PLEC: variants seen among roughly 807,000 people sequenced by gnomAD.
The protein encoded by PLEC is hemidesmosomal protein 1.
In PLEC, 216 loss-of-function variants were observed where a neutral mutation model predicts 392.8. The ratio of observed to expected loss-of-function variants is 0.55; its 90% confidence interval spans 0.49 to 0.62. The LOEUF (loss-of-function observed/expected upper bound fraction) is 0.62, where lower values mean the gene tolerates loss of function less well. PLEC is among the 20% of genes least tolerant of loss of function. PLEC has a pLI of 0.00. For synonymous variants in PLEC, 3,621 were observed against 2,980.6 expected, an observed-to-expected ratio of 1.21 and a Z score of -7.00; for missense variants, 6,863 against 6,563.4, an observed-to-expected ratio of 1.05 and a Z score of -1.58.
upstream of PLEC, among the ~76,000 whole-genome samples, chr8:143,943,510 G>A (rs1280829660): frequency 3.3e-5 from 5 of 152,198 alleles, no homozygotes; most frequent in Admixed American, 6.5e-5. Context: ...GCCTCCCTTC[G>A]TGTGGGGGAC....
Position 143,934,016 on chromosome 8 carries a change from G to C in PLEC, c.1245C>G (p.Ala415=), listed in dbSNP as rs782527499. 8.7e-5 allele frequency: 140 copies of C among 1,610,596 alleles called. No individual in the cohort carries two copies. Among genetic ancestry groups the C allele is most frequent in the Non-Finnish European group, 1.0e-4 (123 of 1,179,106 alleles). ...CCCTCACCGACTGCAGCAGGGCGTC[G>C]GCCTGGTTCAGCTGCTCCTCACACA... The part of the protein sequence containing the change: ...AGLCEEQLNQ[A]DALLQSDVRL... The change falls in exon 12 of 32, where the codon GCC becomes GCG. Residue 415 remains alanine, a synonymous_variant. Transcript: ENST00000345136.
In PLEC at chr8:143,917,643, G is replaced by A. The variant is rs782164454; in HGVS notation, c.12178C>T (p.Arg4060Trp). ...GGIIDPEESH[R>W]LPVEVAYKRG... ...TTGTAGGCCACCTCCACGGGCAGCC[G>A]GTGGCTCTCCTCAGGGTCGATGATG... Residue 4060 changes from arginine to tryptophan, a missense_variant, in exon 32 of 32, where the codon CGG becomes TGG. Coordinates refer to ENST00000345136, the MANE Select transcript of PLEC (RefSeq NM_201384.3). The A allele has an allele frequency of 9.3e-6, 15 of 1,613,680 alleles. No individual in the cohort carries two copies. Among genetic ancestry groups the A allele is most frequent in the Admixed American group, 1.7e-5 (1 of 60,026 alleles).
chr8:143,956,831 T>G (rs1832621373), upstream of PLEC, among the ~76,000 whole-genome samples: 1 of 152,162 alleles, frequency 6.6e-6, no homozygotes, highest in African/African-American at 2.4e-5. Flanking sequence ...GGTGGCCACA[T>G]GGTGCAGCCT....
chr8:143,966,097 C>T (rs2132911396), intron 1 of PLEC, among the ~76,000 whole-genome samples: 1 of 152,292 alleles, frequency 6.6e-6, no homozygotes, highest in South Asian at 2.1e-4. Flanking sequence ...CCAAGCAGTC[C>T]CGCTGAGGTC....
At chr8:143,975,193 C>T (rs1587437234), upstream of PLEC, 1 of 1,600,558 alleles carries the variant, frequency 6.2e-7, no homozygotes. The surrounding 1 kb of genome is among the most constrained non-coding windows in gnomAD (Gnocchi z 9.9). Flanking sequence ...TGCGAATGAC[C>T]GCCCGCTCAG....
chr8:143,975,325 G>C, upstream of PLEC: 1 of 1,611,606 alleles, frequency 6.2e-7, no homozygotes, highest in Non-Finnish European at 8.5e-7. This position sits in a 1 kb window ranked among gnomAD's most constrained non-coding sequence, Gnocchi z 9.9. Context: ...TTCCATTGGA[G>C]ACATCTTCAG....
rs782788386 is a variant in PLEC, at chr8:143,932,144, G to C, written c.2068C>G (p.Arg690Gly). 2.5e-6 allele frequency: 4 copies of C among 1,610,824 alleles called. No homozygotes were observed. The highest frequency in any genetic ancestry group is 3.4e-6 in the Non-Finnish European group (4 of 1,179,486). The change falls in exon 17 of 32, where the codon CGG becomes GGG. Residue 690 changes from arginine (R) to glycine (G), a missense_variant. Physicochemically the swap from Arg to Gly is moderately radical, Grantham distance 125 (BLOSUM62 -2). Transcript: ENST00000345136. ...GGGAGCCCCACCTCCACCGTGGGCCGGGCCGGGTGGTCCTCCCGCAGCAGC... is the reference window on the plus strand; with the variant it reads ...GGGAGCCCCACCTCCACCGTGGGCCCGGCCGGGTGGTCCTCCCGCAGCAGC... ...DRLLREDHPA[R>G]PTVESFQAAL...
Position 143,922,860 on chromosome 8 carries a change from G to T in PLEC, c.7069C>A (p.Leu2357Met). 3 of 1,579,384 alleles carry T rather than the reference G, an allele frequency of 1.9e-6. No homozygotes were observed. Among genetic ancestry groups the T allele is most frequent in the Non-Finnish European group, 1.7e-6 (2 of 1,164,226 alleles). The stretch of plus-strand genomic sequence containing the variant: ...TGGAAGCCCTGCGTCTCCTCCGCCA[G>T]CTGCTGCGCCATCTGCTCCTTGTCC... ...QEDKEQMAQQLAEETQGFQRT... is the reference protein window; with the variant it reads ...QEDKEQMAQQMAEETQGFQRT... The change falls in exon 31 of 32, where the codon CTG (leucine) becomes ATG (methionine). Residue 2357 changes from leucine (L) to methionine (M), a missense_variant. By Grantham distance (15) the Leu-to-Met change is conservative. Coordinates refer to ENST00000345136, the MANE Select transcript of PLEC (RefSeq NM_201384.3).
rs537345370 is a variant in PLEC, at chr8:143,929,726, G to C, written c.2843C>G (p.Pro948Arg). The C allele has an allele frequency of 1.8e-5, 29 of 1,599,860 alleles. No homozygotes were observed. The highest frequency in any genetic ancestry group is 1.7e-4 in the Admixed American group (10 of 59,814). The change falls in exon 23 of 32, where the codon CCC (proline) becomes CGC (arginine). Residue 948 changes from proline (P) to arginine (R), a missense_variant. By Grantham distance (103) the Pro-to-Arg change is moderately radical. Transcript: ENST00000345136. ...GCGCTCAGCCATCAGCCGGTCCTCG[G>C]GTCCGAAGCCGCCCGCGTCCTGGCT... Reference protein sequence around the residue: ...RDSQDAGGFGPEDRLMAEREY... With the variant: ...RDSQDAGGFGREDRLMAEREY...
upstream of PLEC, chr8:143,973,618 CG>C: frequency 2.6e-6 from 2 of 774,354 alleles, no homozygotes; most frequent in Non-Finnish European, 3.1e-6. The surrounding 1 kb of genome is among the most constrained non-coding windows in gnomAD (Gnocchi z 5.6). Context: ...ACGGGCGGGG[CG>C]GGGCCGGGGC....
chr8:143,946,817 G>A (rs1187022665), intron 1 of PLEC, among the ~76,000 whole-genome samples: 1 of 144,224 alleles, frequency 6.9e-6, no homozygotes, highest in East Asian at 2.2e-4. Context: ...GAGCCAGGCG[G>A]GAGCAGAGCC....
At position 143,938,259 on chromosome 8, in the gene PLEC, C is replaced by A; in HGVS notation, c.175-19G>T. The A allele has an allele frequency of 6.3e-7, 1 of 1,577,334 alleles. No homozygotes were observed. The highest frequency in any genetic ancestry group is 2.3e-5 in the East Asian group (1 of 42,856). The stretch of plus-strand genomic sequence containing the variant: ...TCTGGGCCTGTGGGGACAGCAGCGG[C>A]TGAGGTGGCCAGTCCCCCAGAGCCA... On this transcript the variant is annotated intron_variant, in intron 2 of 31. Transcript: ENST00000345136.
rs781796808 is a variant in PLEC, at chr8:143,916,556, G to A, written c.13265C>T (p.Ala4422Val). ...GGCGCCCACGTCACGCAGCTTCTGT[G>A]CGGTGCGGGCGTCCACCGTGCCGCG... Reference protein sequence around the residue: ...LQRGTVDARTAQKLRDVGAYS... With the variant: ...LQRGTVDARTVQKLRDVGAYS... Residue 4422 changes from alanine to valine, a missense_variant, in exon 32 of 32, where the codon GCA (alanine) becomes GTA (valine). Physicochemically the swap from Ala to Val is moderately conservative, Grantham distance 64. Transcript: ENST00000345136. The A allele has an allele frequency of 3.1e-6, 5 of 1,611,648 alleles. No homozygotes were observed. Among genetic ancestry groups the A allele is most frequent in the Non-Finnish European group, 4.2e-6 (5 of 1,179,490 alleles).
At chr8:143,934,561 G>C in intron 10 of PLEC, 74 bp downstream of exon 10, 1 of 1,600,376 alleles carries the variant, frequency 6.2e-7, no homozygotes, top group Non-Finnish European at 8.6e-7. Flanking sequence ...GGCAGGGCCA[G>C]GTCGGCTCCG....
Position 143,922,299 on chromosome 8 carries a change from A to G in PLEC, c.7522T>C (p.Phe2508Leu). The change falls in exon 32 of 32, where the codon TTC becomes CTC. Residue 2508 changes from phenylalanine to leucine, a missense_variant. Physicochemically the swap from Phe to Leu is conservative, Grantham distance 22. Coordinates refer to ENST00000345136, the MANE Select transcript of PLEC (RefSeq NM_201384.3). ...AGCTTGGCCTTCTCCTGCTCGATGA[A>G]GCGCTCCCGCTGTAGCAGGCTGTCC... is the stretch of plus-strand genomic sequence containing the variant. ...EKDSLLQRER[F>L]IEQEKAKLEQ... The G allele has an allele frequency of 6.2e-7, 1 of 1,607,520 alleles. No homozygotes were observed.
intron 11 of PLEC, 45 bp from the exon 12 acceptor site, chr8:143,934,136 C>A: frequency 1.3e-6 from 2 of 1,599,256 alleles, no homozygotes; most frequent in Non-Finnish European, 8.5e-7. Flanking sequence ...CCGGGTCCGG[C>A]ACAGCCCTGG....
At position 143,930,307 on chromosome 8, in the gene PLEC, G is replaced by A. The variant is rs782212855; in HGVS notation, c.2458-9C>T. 1.9e-5 allele frequency: 31 copies of A among 1,599,908 alleles called. No individual in the cohort carries two copies. Among genetic ancestry groups the A allele is most frequent in the Non-Finnish European group, 2.5e-5 (29 of 1,177,682 alleles). On this transcript the variant is annotated splice_polypyrimidine_tract_variant and intron_variant, in intron 20 of 31. Transcript: ENST00000345136. ...CCCTTGTGCACAGTCACCTGGGACG[G>A]GCAGAGTCGGTGAGGACATGGCCAC...
intron 1 of PLEC, among the ~76,000 whole-genome samples, chr8:143,965,595 G>A (rs1482349234): frequency 5.9e-5 from 9 of 152,130 alleles, no homozygotes; most frequent in African/African-American, 9.7e-5. Flanking sequence ...CACTAGCATC[G>A]CCCTTCCCAG....
At position 143,929,528 on chromosome 8, in the gene PLEC, G is replaced by A; in HGVS notation, c.2967C>T (p.Leu989=). The A allele has an allele frequency of 6.2e-7, 1 of 1,612,640 alleles. No homozygotes were observed. Among genetic ancestry groups the A allele is most frequent in the Non-Finnish European group, 8.5e-7 (1 of 1,179,916 alleles). The change falls in exon 24 of 32, where the codon CTC becomes CTT. Residue 989 remains leucine, a synonymous_variant. Transcript: ENST00000345136. ...CCTCCAGCTGCAGCCGGATGTCTTT[G>A]AGCTCGGAGATGCAGCGCTGGCAGC... ...ESRCQRCISE[L]KDIRLQLEAC...
Sources: allele counts gnomAD v4.1 joint callset (sites outside exome capture counted in the v4.1 genomes callset), GRCh38; gene constraint gnomAD v4.1.1; non-coding constraint Gnocchi (gnomAD v3.1); transcripts MANE v1.5; gene names NCBI Gene and HGNC (gene_info 2026-07-23, HGNC 2026-07-21).